Variants in FRMPD3 observed in about 807,000 individuals in gnomAD.
FRMPD3 encodes the protein FERM and PDZ domain containing 3.
In FRMPD3, 42 loss-of-function variants were observed where a neutral mutation model predicts 97.9. The ratio of observed to expected loss-of-function variants is 0.43; its 90% CI spans 0.34 to 0.55. FRMPD3 has a LOEUF of 0.55. FRMPD3 is among the 20% of genes least tolerant of loss of function. FRMPD3 has a pLI of 0.03. For synonymous variants in FRMPD3, 577 were observed against 581.1 expected (o/e 0.99, Z 0.10); for missense variants, 1,303 against 1,457.7 (o/e 0.89, Z 1.73).
intron 2 of FRMPD3, among the ~76,000 whole-genome samples, chrX:107,527,375 A>G (rs1371869237): frequency 1.8e-5 from 2 of 112,567 alleles, no homozygotes; most frequent in African/African-American, 6.5e-5. Context: ...AATAAGTAAT[A>G]TCATTCCCAT....
intron 1 of FRMPD3, among the ~76,000 whole-genome samples, chrX:107,508,465 T>G (rs1280953701): frequency 8.9e-6 from 1 of 112,214 alleles, no homozygotes; most frequent in Non-Finnish European, 1.9e-5. Flanking sequence ...TCATGTATAT[T>G]TAATCTTCAC....
intron 1 of FRMPD3, among the ~76,000 whole-genome samples, chrX:107,511,894 G>A (rs906503672): frequency 8.9e-6 from 1 of 112,021 alleles, no homozygotes; most frequent in Non-Finnish European, 1.9e-5. Flanking sequence ...AGCCCAGCTT[G>A]GCCTCGGAGA....
chrX:107,532,990 T>C (rs1380376671), intron 3 of FRMPD3, among the ~76,000 whole-genome samples: 1 of 111,786 alleles, frequency 8.9e-6, no homozygotes, highest in Non-Finnish European at 1.9e-5. Flanking sequence ...GGCTCTCTTT[T>C]TTGGTCCCTC....
intron 13 of FRMPD3, among the ~76,000 whole-genome samples, chrX:107,589,787 CT>C (rs1484605234): frequency 8.9e-6 from 1 of 112,374 alleles, no homozygotes; most frequent in Non-Finnish European, 1.9e-5. Flanking sequence ...ACTATTTGTT[CT>C]TTTTTATGTT....
chrX:107,545,141 A>C (rs905230757), intron 4 of FRMPD3: 2 of 112,157 alleles, frequency 1.8e-5, no homozygotes, highest in African/African-American at 6.5e-5. Context: ...AGAATTGGAT[A>C]AACAAAGTGG....
intron 12 of FRMPD3, among the ~76,000 whole-genome samples, chrX:107,569,326 A>G (rs1265893920): frequency 9.3e-6 from 1 of 107,724 alleles, no homozygotes; most frequent in Non-Finnish European, 1.9e-5. Context: ...AAGCACAAAT[A>G]CATGGCACAC....
chrX:107,600,926 G>A lies in FRMPD3; in HGVS notation c.2887G>A (p.Val963Met), dbSNP rs781669453. The A allele has an allele frequency of 8.3e-7, 1 of 1,209,953 alleles. No homozygotes were observed. The highest frequency in any genetic ancestry group is 3.0e-5 in the East Asian group (1 of 33,800). Reference sequence around the variant, plus strand: ...CATCATCTCGGCCGCCCTACAGCAAGTGGTTCACAATAAGAGTCTAGTCAC... The same window carrying A: ...CATCATCTCGGCCGCCCTACAGCAAATGGTTCACAATAAGAGTCTAGTCAC... ...PAIISAALQQ[V>M]VHNKSLVTAG... The change falls in exon 15 of 15, where the codon GTG (valine) becomes ATG (methionine). Residue 963 changes from valine (V) to methionine (M), a missense_variant. By Grantham distance (21) the Val-to-Met change is conservative (BLOSUM62 1). Around this residue, in one of 3 missense-constraint regions of FRMPD3, gnomAD observed 764 missense variants for 820.2 expected, o/e 0.93. Transcript: ENST00000683843.
At position 107,604,125 on chromosome X, in the gene FRMPD3, C is replaced by T. The variant is rs887972172; in HGVS notation, c.*752C>T. Reference sequence around the variant, plus strand: ...TTTTGGGTAAGGTACCTGATGAAAACGTCTGCCTGGGGAGACCCAGTGCAG... The same window carrying T: ...TTTTGGGTAAGGTACCTGATGAAAATGTCTGCCTGGGGAGACCCAGTGCAG... On this transcript the variant is annotated 3_prime_UTR_variant, in exon 15 of 15. Transcript: ENST00000683843. 9.2e-6 allele frequency: 1 copy of T among 108,732 alleles called. No homozygotes were observed. The highest frequency in any genetic ancestry group is 1.9e-5 in the Non-Finnish European group (1 of 52,227). The allele number at this position is 108,732 out of a possible 1,213,427, so 9.0% of individuals were successfully genotyped here.
At chrX:107,512,957 C>T (rs886696002) in intron 1 of FRMPD3, 8 of 112,632 alleles carry the variant, frequency 7.1e-5, no homozygotes, top group African/African-American at 2.3e-4. Context: ...CCCCAACAGG[C>T]AGGGTTTAGG....
chrX:107,576,206 A>G (rs1923108774), intron 12 of FRMPD3, 109 bp from the exon 13 acceptor site: 1 of 891,569 alleles, frequency 1.1e-6, no homozygotes, highest in Non-Finnish European at 1.6e-6. Context: ...TTCAGACAGT[A>G]TGGTTCCTTT....
rs769631014 is a variant in FRMPD3 at position 107,602,746 on chromosome X, C to G, written c.4707C>G (p.Thr1569=). The change falls in exon 15 of 15, where the codon ACC becomes ACG. Residue 1569 remains threonine (T), a synonymous_variant. Transcript: ENST00000683843. ...RTQEIDLRVS[T]FEGSLAKINA... Reference sequence around the variant, plus strand: ...AGGAGATTGACCTCCGTGTGTCCACCTTCGAGGGGAGCCTGGCCAAGATCA... The same window carrying G: ...AGGAGATTGACCTCCGTGTGTCCACGTTCGAGGGGAGCCTGGCCAAGATCA... 6 of 1,208,514 alleles carry G rather than the reference C, an allele frequency of 5.0e-6. No individual in the cohort carries two copies. The highest frequency in any genetic ancestry group is 3.5e-5 in the South Asian group (2 of 56,740).
At chrX:107,594,284 A>G (rs1476960064) in intron 13 of FRMPD3, among the ~76,000 whole-genome samples, 2 of 111,845 alleles carry the variant, frequency 1.8e-5, no homozygotes, top group Non-Finnish European at 3.8e-5. Flanking sequence ...TTTTCTAAGT[A>G]TATGATCATA....
intron 3 of FRMPD3, 64 bp downstream of exon 3, chrX:107,530,575 G>A (rs1922901452): frequency 2.6e-6 from 2 of 773,111 alleles, no homozygotes; most frequent in South Asian, 2.3e-5. Context: ...AGTGACATGG[G>A]GCCACCACTA....
intron 1 of FRMPD3, among the ~76,000 whole-genome samples, chrX:107,490,128 G>A (rs1921618484): frequency 8.9e-6 from 1 of 112,120 alleles, no homozygotes; most frequent in Non-Finnish European, 1.9e-5. Flanking sequence ...TGTCAGGTTT[G>A]TCAAAGATCA....
In FRMPD3 at chrX:107,526,631, C is replaced by T. The variant is rs757683022; in HGVS notation, c.43C>T (p.Pro15Ser). The change falls in exon 2 of 15, where the codon CCA becomes TCA. Residue 15 changes from proline (P) to serine (S), a missense_variant. By Grantham distance (74) the Pro-to-Ser change is moderately conservative (BLOSUM62 -1). Around this residue, in one of 3 missense-constraint regions of FRMPD3, gnomAD observed 535 missense variants for 618.6 expected, o/e 0.86. Transcript: ENST00000683843. ...AAATGATATGGAATGTGAGCAGCTGCCAGCAGAGATACTGCGACAAGTGAC... is the reference window on the plus strand; with the variant it reads ...AAATGATATGGAATGTGAGCAGCTGTCAGCAGAGATACTGCGACAAGTGAC... ...SANDMECEQLPAEILRQVTVH... is the reference protein window; with the variant it reads ...SANDMECEQLSAEILRQVTVH... The T allele has an allele frequency of 4.1e-6, 5 of 1,206,836 alleles. No homozygotes were observed. The highest frequency in any genetic ancestry group is 4.5e-6 in the Non-Finnish European group (4 of 893,804).
Position 107,526,672 on chromosome X carries a change from T to C in FRMPD3, c.84T>C (p.Pro28=). The C allele has an allele frequency of 8.3e-7, 1 of 1,207,932 alleles. No homozygotes were observed. Among genetic ancestry groups the C allele is most frequent in the Non-Finnish European group, 1.1e-6 (1 of 893,972 alleles). The change falls in exon 2 of 15, where the codon CCT becomes CCC. Residue 28 remains proline, a synonymous_variant. Transcript: ENST00000683843. ...GACAAGTGACCGTTCACCGAGACCC[T>C]ATATATGGCTTTGGCTTCGTGGCTG... ...ILRQVTVHRD[P]IYGFGFVAGS...
rs149575483 is a variant in FRMPD3 at position 107,522,628 on chromosome X, C to A, written c.-7-3954C>A. 1,057 of 415,612 alleles carry A rather than the reference C, an allele frequency of 2.5e-3. 19 individuals carry two copies. In the East Asian group the frequency reaches 0.034, roughly 14 times the overall value. The allele number at this position is 415,612 out of a possible 1,213,427, so 34.3% of individuals were successfully genotyped here. A position where few individuals can be genotyped will look rare whatever the true frequency, so the allele number is the denominator to read the frequency against. ...AAGGCTGGGATGGAGGAGGAACAGTCACCTAGCGTATTTGGCAGGACAGAG... is the reference window on the plus strand; with the variant it reads ...AAGGCTGGGATGGAGGAGGAACAGTAACCTAGCGTATTTGGCAGGACAGAG... On this transcript the variant is annotated intron_variant, in intron 1 of 14. Transcript: ENST00000683843.
intron 8 of FRMPD3, among the ~76,000 whole-genome samples, chrX:107,560,035 A>T (rs1215316827): frequency 1.9e-5 from 2 of 106,398 alleles, no homozygotes; most frequent in African/African-American, 6.9e-5. Flanking sequence ...TGCCCCTGTC[A>T]CTGAGAAGGC....
intron 1 of FRMPD3, among the ~76,000 whole-genome samples, chrX:107,515,741 T>C (rs768561800): frequency 1.6e-3 from 177 of 111,552 alleles, no homozygotes; most frequent in Non-Finnish European, 1.7e-3. Flanking sequence ...AGCATGATTC[T>C]GGAGCGGTGG....
Sources: gnomAD v4.1 joint callset for allele counts (sites outside exome capture counted in the v4.1 genomes callset) on GRCh38, gnomAD v4.1.1 for gene constraint, gnomAD v4.1.1 regional missense constraint, MANE v1.5 for transcripts, NCBI Gene and HGNC (gene_info 2026-07-23, HGNC 2026-07-21) for gene names.